RBM20: variants seen among roughly 807,000 people sequenced by gnomAD.
RBM20 encodes RNA binding motif protein 20.
A neutral mutation model predicts 110.1 loss-of-function variants in RBM20; 51 were observed. The observed-to-expected ratio is 0.46, with a 90% CI of 0.37 to 0.59. RBM20 has a LOEUF of 0.59. Ranked by LOEUF, RBM20 falls within the 20% of genes least tolerant of loss-of-function variation. The pLI, the probability that RBM20 is intolerant of heterozygous loss-of-function variation, is 0.00. For missense variants in RBM20, 1,512 were observed against 1,574.9 expected, an observed-to-expected ratio of 0.96 and a Z score of 0.68; for synonymous variants, 589 against 618.2, an observed-to-expected ratio of 0.95 and a Z score of 0.70.
At position 110,810,387 on chromosome 10, in the gene RBM20, C is replaced by A. The variant is rs1257683515; in HGVS notation, c.1805C>A (p.Pro602His). 1 of 1,551,172 alleles carries A rather than the reference C, an allele frequency of 6.4e-7. No individual in the cohort carries two copies. The highest frequency in any genetic ancestry group is 1.4e-5 in the African/African-American group (1 of 73,028). The change falls in exon 8 of 14, where the codon CCC becomes CAC. Residue 602 changes from proline to histidine, a missense_variant. Coordinates refer to ENST00000369519, the MANE Select transcript of RBM20 (RefSeq NM_001134363.3). ...KRYKELQLKK[P>H]GKAVAAIIQD... ...TGATCTCTCTGACTTTGCTAGAAAC[C>A]CGGGAAGGCCGTGGCTGCCATCATC...
intron 1 of RBM20, among the ~76,000 whole-genome samples, chr10:110,736,240 C>A (rs767398924): frequency 2.6e-5 from 4 of 152,268 alleles, no homozygotes; most frequent in Non-Finnish European, 5.9e-5. Context: ...ATATAAAGTC[C>A]ATCTTCCCAA....
chr10:110,785,839 T>A (rs1292486140), intron 5 of RBM20, among the ~76,000 whole-genome samples: 1 of 152,208 alleles, frequency 6.6e-6, no homozygotes, highest in African/African-American at 2.4e-5. Flanking sequence ...TATGTTTTTT[T>A]AAGACTATTT....
chr10:110,696,139 A>G (rs1328890514), intron 1 of RBM20, among the ~76,000 whole-genome samples: 1 of 152,180 alleles, frequency 6.6e-6, no homozygotes, highest in Non-Finnish European at 1.5e-5. Context: ...CGTGAGCCAC[A>G]CTGGGCTAGA....
intron 1 of RBM20, among the ~76,000 whole-genome samples, chr10:110,727,753 T>C (rs1455631081): frequency 1.3e-5 from 2 of 152,214 alleles, no homozygotes; most frequent in Non-Finnish European, 2.9e-5. Flanking sequence ...CATCTAGGTT[T>C]TAAGCCCTGC....
At chr10:110,726,104 G>A (rs541763461) in intron 1 of RBM20, among the ~76,000 whole-genome samples, 1 of 152,186 alleles carries the variant, frequency 6.6e-6, no homozygotes, top group Admixed American at 6.5e-5. Flanking sequence ...CCCCTCTGCC[G>A]GCCTCTCCCT....
chr10:110,710,968 C>T (rs1165398315), intron 1 of RBM20, among the ~76,000 whole-genome samples: 1 of 152,022 alleles, frequency 6.6e-6, no homozygotes, highest in African/African-American at 2.4e-5. Flanking sequence ...GAAGGGAATC[C>T]GGATTTCTCC....
At chr10:110,799,958 C>T (rs1844601764) in intron 7 of RBM20, 40 bp downstream of exon 7, 2 of 1,542,544 alleles carry the variant, frequency 1.3e-6, no homozygotes, top group East Asian at 2.4e-5. Flanking sequence ...TCAACAAGCA[C>T]CAGATGAGTT....
intron 12 of RBM20, 41 bp downstream of exon 12, chr10:110,823,655 G>A (rs1381164417): frequency 1.3e-6 from 2 of 1,547,164 alleles, no homozygotes; most frequent in Non-Finnish European, 8.7e-7. Context: ...TCAGGTCTAG[G>A]AAATAACAGT....
intron 1 of RBM20, among the ~76,000 whole-genome samples, chr10:110,666,977 C>A (rs1047319340): frequency 1.3e-5 from 2 of 152,106 alleles, no homozygotes; most frequent in African/African-American, 4.8e-5. Context: ...CCCACTGTGG[C>A]CTTATTGGGC....
chr10:110,736,054 T>C (rs1843667381), intron 1 of RBM20, among the ~76,000 whole-genome samples: 1 of 152,176 alleles, frequency 6.6e-6, no homozygotes, highest in South Asian at 2.1e-4. Flanking sequence ...AGAGCACAAG[T>C]GCATTTGCCC....
chr10:110,662,651 C>T, intron 1 of RBM20, among the ~76,000 whole-genome samples: 1 of 152,150 alleles, frequency 6.6e-6, no homozygotes, highest in East Asian at 1.9e-4. Flanking sequence ...CCAATCAATC[C>T]TATTATAGGA....
At chr10:110,736,767 G>A (rs1339855589) in intron 1 of RBM20, among the ~76,000 whole-genome samples, 1 of 152,108 alleles carries the variant, frequency 6.6e-6, no homozygotes, top group East Asian at 1.9e-4. Flanking sequence ...TTGAATGTTT[G>A]TATCCCTCCA....
intron 1 of RBM20, among the ~76,000 whole-genome samples, chr10:110,721,311 C>T (rs1843502161): frequency 1.3e-5 from 2 of 152,220 alleles, no homozygotes; most frequent in South Asian, 2.1e-4. Flanking sequence ...CAGCCCCTCA[C>T]CTGTTTGTTA....
chr10:110,749,712 G>A (rs1342576867), intron 1 of RBM20, among the ~76,000 whole-genome samples: 1 of 152,038 alleles, frequency 6.6e-6, no homozygotes, highest in East Asian at 1.9e-4. Context: ...GAATCACTGT[G>A]AATTTAATAC....
chr10:110,813,537 A>C (rs1211439290), intron 9 of RBM20, among the ~76,000 whole-genome samples: 1 of 152,116 alleles, frequency 6.6e-6, no homozygotes, highest in African/African-American at 2.4e-5. Context: ...CCTCCACTCT[A>C]ATAAAAATGC....
At chr10:110,799,489 G>A (rs1844593907) in intron 6 of RBM20, among the ~76,000 whole-genome samples, 1 of 152,140 alleles carries the variant, frequency 6.6e-6, no homozygotes, top group African/African-American at 2.4e-5. Context: ...ATACTCTACA[G>A]TGCATAATGT....
At chr10:110,756,020 C>T (rs1313015615) in intron 1 of RBM20, among the ~76,000 whole-genome samples, 6 of 152,202 alleles carry the variant, frequency 3.9e-5, no homozygotes, top group Non-Finnish European at 7.3e-5. Context: ...TGATCTTTAA[C>T]GCTCCAACGT....
chr10:110,683,395 G>C (rs1178388430), intron 1 of RBM20, among the ~76,000 whole-genome samples: 1 of 152,212 alleles, frequency 6.6e-6, no homozygotes, highest in Admixed American at 6.5e-5. Context: ...ATTGGAGCTG[G>C]TAATTGGTTT....
In RBM20 at chr10:110,839,237, G is replaced by A. The variant is rs540217875; in HGVS notation, c.*3259G>A. On this transcript the variant is annotated 3_prime_UTR_variant, in exon 14 of 14. Coordinates refer to ENST00000369519, the MANE Select transcript of RBM20 (RefSeq NM_001134363.3). ...GGTTTCCCATTCTTGGACAGTCCGA[G>A]GCTGTGACCTGTTAGATAATTAGAT... 1.2e-4 allele frequency: 18 copies of A among 152,282 alleles called. No homozygotes were observed. In the East Asian group the frequency reaches 3.5e-3, roughly 29 times the overall value. The allele number at this position is 152,282 out of a possible 1,614,324, so 9.4% of individuals were successfully genotyped here. A position where few individuals can be genotyped will look rare whatever the true frequency, so the allele number is the denominator to read the frequency against.
Sources: gnomAD v4.1 joint callset for allele counts (sites outside exome capture counted in the v4.1 genomes callset) on GRCh38, gnomAD v4.1.1 for gene constraint, MANE v1.5 for transcripts, NCBI Gene and HGNC (gene_info 2026-07-23, HGNC 2026-07-21) for gene names.